CERS1: variants seen among roughly 807,000 people sequenced by gnomAD.
The protein encoded by CERS1 is ceramide synthase 1, also known as Embryonic growth/differentiation factor 1.
In CERS1, 16 loss-of-function variants were observed where a neutral mutation model predicts 35.7. That is an observed-to-expected ratio of 0.45 (90% CI 0.30 to 0.68). The LOEUF (loss-of-function observed/expected upper bound fraction) is 0.68, where lower values mean the gene tolerates loss of function less well. Among genes scored for constraint, CERS1 ranks in the 30% least tolerant of loss-of-function variants. CERS1 has a pLI of 0.08. For missense variants in CERS1, 454 were observed against 453.9 expected, an observed-to-expected ratio of 1.00 and a Z score of 0.00; for synonymous variants, 243 against 201.6, an observed-to-expected ratio of 1.21 and a Z score of -1.74.
chr19:18,892,724 C>T (rs550627185), intron 2 of CERS1, among the ~76,000 whole-genome samples: 10 of 152,194 alleles, frequency 6.6e-5, no homozygotes, highest in South Asian at 4.2e-4. Context: ...GGCCTTTGCA[C>T]GTGCTGTTAC....
At chr19:18,880,585 A>C in intron 3 of CERS1, 150 bp from the exon 4 acceptor site, 1 of 707,416 alleles carries the variant, frequency 1.4e-6, no homozygotes, top group Non-Finnish European at 2.2e-6. Flanking sequence ...TGCCCTGCCC[A>C]TCTCCACTTC....
At chr19:18,891,260 C>T (rs1242153120) in intron 2 of CERS1, among the ~76,000 whole-genome samples, 2 of 152,234 alleles carry the variant, frequency 1.3e-5, no homozygotes, top group Non-Finnish European at 2.9e-5. Context: ...GGCACATCCA[C>T]TGTACACTCT....
chr19:18,895,504 C>T lies in CERS1; in HGVS notation c.249+320G>A, dbSNP rs2056603777. Reference sequence around the variant, plus strand: ...AAACTGACCGGAAAGGGCCGTGCCTCGGTCCCCCACGTCTCAAACATCCCA... The same window carrying T: ...AAACTGACCGGAAAGGGCCGTGCCTTGGTCCCCCACGTCTCAAACATCCCA... On this transcript the variant is annotated intron_variant, in intron 1 of 7. Transcript: ENST00000623882. The surrounding 1 kb of genome is among the most constrained non-coding windows in gnomAD (Gnocchi z 6.4). 6.6e-6 allele frequency among the ~76,000 whole-genome samples: 1 copy of T among 151,862 alleles called. No individual in the cohort carries two copies. The highest frequency in any genetic ancestry group is 2.4e-5 in the African/African-American group (1 of 41,340).
chr19:18,874,747 G>A (rs2056032232), intron 6 of CERS1, among the ~76,000 whole-genome samples: 1 of 152,208 alleles, frequency 6.6e-6, no homozygotes, highest in South Asian at 2.1e-4. Flanking sequence ...AGGGCCATGA[G>A]GAGGACAGGG....
chr19:18,871,688 C>T (rs1253096467), intron 6 of CERS1, among the ~76,000 whole-genome samples: 1 of 152,262 alleles, frequency 6.6e-6, no homozygotes, highest in Non-Finnish European at 1.5e-5. Flanking sequence ...TAGGCTGAAG[C>T]TCAGCTTCTC....
Position 18,868,754 on chromosome 19 carries a change from C to A in CERS1, c.*1231G>T. 1 of 1,516,672 alleles carries A rather than the reference C, an allele frequency of 6.6e-7. No individual in the cohort carries two copies. Among genetic ancestry groups the A allele is most frequent in the Non-Finnish European group, 8.9e-7 (1 of 1,126,806 alleles). The allele number at this position is 1,516,672 out of a possible 1,614,324, so 94.0% of individuals were successfully genotyped here. On this transcript the variant is annotated 3_prime_UTR_variant, in exon 8 of 8. Transcript: ENST00000623882. ...CGGGGCGGCCGCGTGCATGAGCGCGCGCAGCACAGCGTGGTTGAGCGCCGG... is the reference window on the plus strand; with the variant it reads ...CGGGGCGGCCGCGTGCATGAGCGCGAGCAGCACAGCGTGGTTGAGCGCCGG...
At chr19:18,876,348 G>C (rs950549406) in intron 6 of CERS1, among the ~76,000 whole-genome samples, 2 of 151,646 alleles carry the variant, frequency 1.3e-5, no homozygotes, top group African/African-American at 2.4e-5. Context: ...TGTTTGTTTT[G>C]GTTTGTCTTT....
rs1158236535 is a variant in CERS1 at position 18,895,565 on chromosome 19, A to G, written c.249+259T>C. On this transcript the variant is annotated intron_variant, in intron 1 of 7. Coordinates refer to ENST00000623882, the MANE Select transcript of CERS1 (RefSeq NM_021267.5). The surrounding 1 kb of genome is among the most constrained non-coding windows in gnomAD (Gnocchi z 6.4). ...GCCCCCCATGTCCCAGACTCACCCC[A>G]GCCCGGCCACACCCCCGCATCTACC... is the stretch of plus-strand genomic sequence containing the variant. 1.3e-5 allele frequency among the ~76,000 whole-genome samples: 2 copies of G among 148,302 alleles called. No homozygotes were observed. Among genetic ancestry groups the G allele is most frequent in the Non-Finnish European group, 3.0e-5 (2 of 66,956 alleles).
chr19:18,872,215 T>G (rs2055982717), intron 6 of CERS1, among the ~76,000 whole-genome samples: 1 of 152,386 alleles, frequency 6.6e-6, no homozygotes, highest in South Asian at 2.1e-4. Context: ...TGCTGATTCT[T>G]GTTTGTTTTT....
chr19:18,895,755 GC>G lies in CERS1; in HGVS notation c.249+68del. On this transcript the variant is annotated intron_variant, in intron 1 of 7. Transcript: ENST00000623882. This position sits in a 1 kb window ranked among gnomAD's most constrained non-coding sequence, Gnocchi z 6.4. ...GCTGGAAGAAAGGAACGCGCCGGCG[GC>G]CCCAGGTCCCCGGTCCCGGCTTCCC... 2 of 883,386 alleles carry G rather than the reference GC, an allele frequency of 2.3e-6. No homozygotes were observed. Among genetic ancestry groups the G allele is most frequent in the Non-Finnish European group, 1.4e-6 (1 of 691,584 alleles). 54.7% of individuals were successfully genotyped at this position (883,386 alleles called of 1,614,324 possible). A position where few individuals can be genotyped will look rare whatever the true frequency, so the allele number is the denominator to read the frequency against.
At position 18,870,346 on chromosome 19, in the gene CERS1, G is replaced by A; in HGVS notation, c.*231C>T. 6.5e-7 allele frequency: 1 copy of A among 1,541,998 alleles called. No homozygotes were observed. Among genetic ancestry groups the A allele is most frequent in the Non-Finnish European group, 8.7e-7 (1 of 1,145,576 alleles). On this transcript the variant is annotated 3_prime_UTR_variant, in exon 7 of 8. Coordinates refer to ENST00000623882, the MANE Select transcript of CERS1 (RefSeq NM_021267.5). The surrounding 1 kb of genome is among the most constrained non-coding windows in gnomAD (Gnocchi z 5.1). ...GATGACCAGAGAGTGCGCAGGGTCCGCGGCGGCCCGGGACCAGTGGGCTGA... is the reference window on the plus strand; with the variant it reads ...GATGACCAGAGAGTGCGCAGGGTCCACGGCGGCCCGGGACCAGTGGGCTGA...
intron 3 of CERS1, chr19:18,883,246 G>A (rs1265912659): frequency 6.6e-6 from 1 of 152,216 alleles, no homozygotes; most frequent in Non-Finnish European, 1.5e-5. Context: ...TATATGAGCA[G>A]TGTATTTCAT....
intron 6 of CERS1, among the ~76,000 whole-genome samples, chr19:18,873,284 G>A (rs561320719): frequency 3.3e-5 from 5 of 152,286 alleles, no homozygotes; most frequent in African/African-American, 7.2e-5. Context: ...GGGGAGCTGC[G>A]TGGCTAGGAG....
intron 1 of CERS1, among the ~76,000 whole-genome samples, chr19:18,894,181 G>A (rs1017755240): frequency 4.2e-5 from 6 of 142,210 alleles, no homozygotes; most frequent in African/African-American, 1.5e-4. Context: ...GGCGAGGTGA[G>A]ACCCTGAGGG....
At position 18,870,386 on chromosome 19, in the gene CERS1, T is replaced by C; in HGVS notation, c.*191A>G. The C allele has an allele frequency of 1.4e-6, 2 of 1,463,580 alleles. No individual in the cohort carries two copies. The highest frequency in any genetic ancestry group is 1.8e-6 in the Non-Finnish European group (2 of 1,088,912). 90.7% of individuals were successfully genotyped at this position (1,463,580 alleles called of 1,614,324 possible). On this transcript the variant is annotated 3_prime_UTR_variant, in exon 7 of 8. Transcript: ENST00000623882. The surrounding 1 kb of genome is among the most constrained non-coding windows in gnomAD (Gnocchi z 5.1). The stretch of plus-strand genomic sequence containing the variant: ...CAGTGGGCTGAGGGCGGGGCCGGTG[T>C]CCCCGGAGGGGCAGGGGTCCTGGGG...
Position 18,878,513 on chromosome 19 carries a change from G to A in CERS1, c.1010+417C>T. ...AGATGGAGCCTGGGTTCTCTCTGTGGCCCTTGGCGTTCCTTCCTCCCCAGC... is the reference window on the plus strand; with the variant it reads ...AGATGGAGCCTGGGTTCTCTCTGTGACCCTTGGCGTTCCTTCCTCCCCAGC... On this transcript the variant is annotated intron_variant, in intron 6 of 7. Coordinates refer to ENST00000623882, the MANE Select transcript of CERS1 (RefSeq NM_021267.5). This position sits in a 1 kb window ranked among gnomAD's most constrained non-coding sequence, Gnocchi z 4.6. 4.9e-6 allele frequency: 5 copies of A among 1,016,248 alleles called. No homozygotes were observed. The highest frequency in any genetic ancestry group is 5.9e-6 in the Non-Finnish European group (5 of 847,428). 63.0% of individuals were successfully genotyped at this position (1,016,248 alleles called of 1,614,324 possible). A position where few individuals can be genotyped will look rare whatever the true frequency, so the allele number is the denominator to read the frequency against.
At position 18,869,022 on chromosome 19, in the gene CERS1, C is replaced by G. The variant is rs1258108118; in HGVS notation, c.*963G>C. The G allele has an allele frequency of 1.8e-6, 2 of 1,081,868 alleles. No individual in the cohort carries two copies. Among genetic ancestry groups the G allele is most frequent in the Non-Finnish European group, 2.2e-6 (2 of 893,112 alleles). The allele number at this position is 1,081,868 out of a possible 1,614,324, so 67.0% of individuals were successfully genotyped here. A position where few individuals can be genotyped will look rare whatever the true frequency, so the allele number is the denominator to read the frequency against. On this transcript the variant is annotated 3_prime_UTR_variant, in exon 8 of 8. Coordinates refer to ENST00000623882, the MANE Select transcript of CERS1 (RefSeq NM_021267.5). The stretch of plus-strand genomic sequence containing the variant: ...AGGGTCACCAGCAGCAGCGAGGCCT[C>G]GGCCAGGCGCGCGCAGGCGGCAGGG...
chr19:18,870,140 C>G lies in CERS1; in HGVS notation c.*437G>C. On this transcript the variant is annotated 3_prime_UTR_variant, in exon 7 of 8. Transcript: ENST00000623882. The surrounding 1 kb of genome is among the most constrained non-coding windows in gnomAD (Gnocchi z 5.1). The stretch of plus-strand genomic sequence containing the variant: ...GGCGCCACATGACCGGGGGAACCGG[C>G]CGGAGCCTGGGGGCACCCTGGGGCT... The G allele has an allele frequency of 6.4e-7, 1 of 1,564,672 alleles. No individual in the cohort carries two copies. The highest frequency in any genetic ancestry group is 8.6e-7 in the Non-Finnish European group (1 of 1,160,826).
In CERS1 at chr19:18,870,203, T is replaced by G. The variant is rs2145989500; in HGVS notation, c.*374A>C. On this transcript the variant is annotated 3_prime_UTR_variant, in exon 7 of 8. Coordinates refer to ENST00000623882, the MANE Select transcript of CERS1 (RefSeq NM_021267.5). This position sits in a 1 kb window ranked among gnomAD's most constrained non-coding sequence, Gnocchi z 5.1. ...CTAGAGCCTGGAGCAGGGCGGCGGC[T>G]GGGCCTGGGGGCACGGGGGCGCGGG... 6.4e-7 allele frequency: 1 copy of G among 1,559,478 alleles called. No individual in the cohort carries two copies. Among genetic ancestry groups the G allele is most frequent in the East Asian group, 2.3e-5 (1 of 43,440 alleles).
Sources: gnomAD v4.1 joint callset for allele counts (sites outside exome capture counted in the v4.1 genomes callset) on GRCh38, gnomAD v4.1.1 for gene constraint, Gnocchi (gnomAD v3.1) non-coding constraint, MANE v1.5 for transcripts, NCBI Gene and HGNC (gene_info 2026-07-23, HGNC 2026-07-21) for gene names.